TECRL: variants seen among roughly 807,000 people sequenced by gnomAD.
The protein encoded by TECRL is trans-2,3-enoyl-CoA reductase-like.
Under a neutral mutation model 52.8 loss-of-function variants are expected in TECRL, and 63 were observed. That is an observed-to-expected ratio of 1.19 (90% confidence interval 0.97 to 1.47). TECRL has a LOEUF of 1.47. Among genes scored for constraint, TECRL ranks in the 40% most tolerant of loss-of-function variants. TECRL has a pLI of 0.00. For synonymous variants in TECRL, 164 were observed against 141.9 expected (o/e 1.16, Z -1.10); for missense variants, 482 against 429.6 (o/e 1.12, Z -1.08).
intron 2 of TECRL, among the ~76,000 whole-genome samples, chr4:64,363,011 C>T (rs1467921890): frequency 1.6e-5 from 2 of 125,808 alleles, no homozygotes; most frequent in South Asian, 5.2e-4. Flanking sequence ...ATATCAGGCA[C>T]ATAAAAAAAA....
chr4:64,332,291 A>C (rs1400163679), intron 2 of TECRL, among the ~76,000 whole-genome samples: 1 of 152,206 alleles, frequency 6.6e-6, no homozygotes, highest in African/African-American at 2.4e-5. Flanking sequence ...AATAAGGATG[A>C]ATCAGAAATC....
intron 4 of TECRL, among the ~76,000 whole-genome samples, chr4:64,315,623 C>T (rs958001533): frequency 2.0e-4 from 31 of 151,526 alleles, no homozygotes; most frequent in Non-Finnish European, 2.4e-4. Context: ...TTTTAAGAAA[C>T]AATTTGAATC....
At chr4:64,332,441 T>C (rs1718710169) in intron 2 of TECRL, among the ~76,000 whole-genome samples, 1 of 152,192 alleles carries the variant, frequency 6.6e-6, no homozygotes, top group Non-Finnish European at 1.5e-5. Flanking sequence ...AGATCGCTTC[T>C]TTATTCAGAC....
At chr4:64,320,852 G>A (rs148120902) in intron 4 of TECRL, among the ~76,000 whole-genome samples, 409 of 152,106 alleles carry the variant, frequency 2.7e-3, no homozygotes, top group Non-Finnish European at 4.0e-3. Flanking sequence ...TGCATGCATC[G>A]TCTATAGGTT....
chr4:64,318,509 A>G (rs1009440197), intron 4 of TECRL, among the ~76,000 whole-genome samples: 7 of 152,084 alleles, frequency 4.6e-5, no homozygotes, highest in Admixed American at 6.5e-5. Context: ...ATAAAACTAA[A>G]GCAAGGTAAA....
At chr4:64,295,875 A>G (rs1216635976) in intron 8 of TECRL, among the ~76,000 whole-genome samples, 3 of 151,972 alleles carry the variant, frequency 2.0e-5, no homozygotes, top group African/African-American at 7.2e-5. Context: ...TAATTAGTCA[A>G]CTAGTTTGCA....
intron 2 of TECRL, among the ~76,000 whole-genome samples, chr4:64,352,247 G>C (rs1420257908): frequency 6.6e-6 from 1 of 152,060 alleles, no homozygotes; most frequent in Non-Finnish European, 1.5e-5. Flanking sequence ...TGATGAATAG[G>C]CTGTACAAGC....
Position 64,279,637 on chromosome 4 carries a change from AT to A in TECRL, c.*434del, listed in dbSNP as rs1179096820. 3 of 341,088 alleles carry A rather than the reference AT, an allele frequency of 8.8e-6. No individual in the cohort carries two copies. 21.1% of individuals were successfully genotyped at this position (341,088 alleles called of 1,614,324 possible). A position where few individuals can be genotyped will look rare whatever the true frequency, so the allele number is the denominator to read the frequency against. On this transcript the variant is annotated 3_prime_UTR_variant, in exon 12 of 12. Transcript: ENST00000381210. Reference sequence around the variant, plus strand: ...GAGATGATATCTCATTGTGGTTTTGATTTGCATTTCTGTATGAATAGTTAAT... The same window carrying A: ...GAGATGATATCTCATTGTGGTTTTGATTGCATTTCTGTATGAATAGTTAAT...
intron 1 of TECRL, among the ~76,000 whole-genome samples, chr4:64,398,766 C>T (rs73232042): frequency 0.016 from 2,451 of 152,054 alleles, 76 homozygotes; most frequent in African/African-American, 0.055. Flanking sequence ...GGAAGAGTTT[C>T]GAGAGTTCAG....
At chr4:64,340,443 C>T (rs562294792) in intron 2 of TECRL, among the ~76,000 whole-genome samples, 1 of 152,342 alleles carries the variant, frequency 6.6e-6, no homozygotes, top group Non-Finnish European at 1.5e-5. Context: ...TCTCAGTGCC[C>T]ACTCCAATTT....
intron 2 of TECRL, among the ~76,000 whole-genome samples, chr4:64,363,624 A>T (rs563427826): frequency 6.6e-6 from 1 of 152,302 alleles, no homozygotes; most frequent in African/African-American, 2.4e-5. Context: ...AGTAGGAAGT[A>T]ACTTATGGAA....
chr4:64,386,206 G>A (rs527815330), intron 1 of TECRL, among the ~76,000 whole-genome samples: 1 of 152,074 alleles, frequency 6.6e-6, no homozygotes, highest in African/African-American at 2.4e-5. Context: ...TATAATTACA[G>A]CATTATTAAC....
At chr4:64,377,096 GA>G (rs1452705089) in intron 1 of TECRL, among the ~76,000 whole-genome samples, 13 of 151,946 alleles carry the variant, frequency 8.6e-5, no homozygotes, top group African/African-American at 3.1e-4. Flanking sequence ...TTTCCTGAAC[GA>G]AACCTTCATG....
At chr4:64,347,123 T>C (rs1249101102) in intron 2 of TECRL, among the ~76,000 whole-genome samples, 7 of 152,150 alleles carry the variant, frequency 4.6e-5, no homozygotes, top group Non-Finnish European at 7.4e-5. Context: ...GTGACATTCT[T>C]ACATAAATAG....
At chr4:64,346,490 C>T (rs1399912159) in intron 2 of TECRL, among the ~76,000 whole-genome samples, 2 of 152,374 alleles carry the variant, frequency 1.3e-5, no homozygotes, top group South Asian at 4.1e-4. Flanking sequence ...TTCTGTGTAC[C>T]TGCAGGCTCA....
intron 4 of TECRL, among the ~76,000 whole-genome samples, chr4:64,320,467 C>A (rs1279894692): frequency 1.3e-5 from 2 of 151,848 alleles, no homozygotes. Flanking sequence ...TCATTTGGAG[C>A]AAAAAGATGT....
rs778618929 is a variant in TECRL at position 64,314,645 on chromosome 4, T to C, written c.551+3A>G. 3.2e-6 allele frequency: 4 copies of C among 1,263,250 alleles called. No homozygotes were observed. The highest frequency in any genetic ancestry group is 2.4e-5 in the South Asian group (2 of 84,472). The allele number at this position is 1,263,250 out of a possible 1,614,324, so 78.3% of individuals were successfully genotyped here. On this transcript the variant is annotated splice_donor_region_variant and intron_variant, in intron 5 of 11. Transcript: ENST00000381210. ...TGTGTGTGTGTGTGTGTGTATCACT[T>C]ACTGTACCACTGGGTGGCGTAATCT...
chr4:64,297,648 A>G (rs755114000), intron 8 of TECRL, among the ~76,000 whole-genome samples: 1 of 151,158 alleles, frequency 6.6e-6, no homozygotes, highest in Non-Finnish European at 1.5e-5. Context: ...TTTCCAAATC[A>G]TTTGCACATA....
At position 64,280,108 on chromosome 4, in the gene TECRL, A is replaced by G. The variant is rs1722742245; in HGVS notation, c.1056T>C (p.Ile352=). Reference sequence around the variant, plus strand: ...ATGGAATCATTGCTGATTTTCTATGAATATATGAATTGAATTTTCTCAGAT... The same window carrying G: ...ATGGAATCATTGCTGATTTTCTATGGATATATGAATTGAATTTTCTCAGAT... ...KIYLRKFNSY[I]HRKSAMIPFI... is the part of the protein sequence containing the mutation. The change falls in exon 12 of 12, where the codon ATT becomes ATC. Residue 352 remains isoleucine (I), a synonymous_variant. Transcript: ENST00000381210. 17 of 1,602,382 alleles carry G rather than the reference A, an allele frequency of 1.1e-5. No individual in the cohort carries two copies. Among genetic ancestry groups the G allele is most frequent in the Non-Finnish European group, 1.4e-5 (16 of 1,175,100 alleles).
Sources: allele counts gnomAD v4.1 joint callset (sites outside exome capture counted in the v4.1 genomes callset), GRCh38; gene constraint gnomAD v4.1.1; transcripts MANE v1.5; gene names NCBI Gene and HGNC (gene_info 2026-07-23, HGNC 2026-07-21).